The following AFF3 variants were observed in gnomAD, a reference collection of about 807,000 sequenced individuals.
AFF3 encodes the protein ALF transcription elongation factor 3, also known as AF4/FMR2 family member 3.
A neutral mutation model predicts 129.7 loss-of-function variants in AFF3; 32 were observed. The observed-to-expected ratio is 0.25, with a 90% confidence interval of 0.19 to 0.33. The LOEUF (loss-of-function observed/expected upper bound fraction) is 0.33, where lower values mean the gene tolerates loss of function less well. Ranked by LOEUF, AFF3 falls within the 10% of genes least tolerant of loss-of-function variation. The probability of loss-of-function intolerance (pLI) is 1.00; values close to 1 mark genes in which losing one functional copy is unlikely to be tolerated. For synonymous variants in AFF3, 644 were observed against 635.4 expected, an observed-to-expected ratio of 1.01 and a Z score of -0.20; for missense variants, 1,373 against 1,592.0, an observed-to-expected ratio of 0.86 and a Z score of 2.34.
At chr2:99,969,719 T>C (rs796822722) in intron 7 of AFF3, among the ~76,000 whole-genome samples, 6 of 152,204 alleles carry the variant, frequency 3.9e-5, no homozygotes, top group African/African-American at 1.4e-4. Context: ...GCCAGACTGG[T>C]CTCTACCTCC....
At chr2:99,927,648 T>C (rs1327717328) in intron 7 of AFF3, among the ~76,000 whole-genome samples, 1 of 152,066 alleles carries the variant, frequency 6.6e-6, no homozygotes, top group Non-Finnish European at 1.5e-5. Flanking sequence ...AACACCAGGG[T>C]GATTAAATAG....
intron 10 of AFF3, among the ~76,000 whole-genome samples, chr2:99,728,075 C>A (rs184126046): frequency 6.6e-6 from 1 of 152,244 alleles, no homozygotes; most frequent in East Asian, 1.9e-4. Context: ...ACGAGTTGTA[C>A]GTAGTTGGGG....
At position 100,057,320 on chromosome 2, in the gene AFF3, C is replaced by CAAA. The variant is rs57672976; in HGVS notation, c.53+47079_53+47081dup. Among the ~76,000 whole-genome samples, 282 of 54,922 alleles carry CAAA rather than the reference C, an allele frequency of 5.1e-3. 13 individuals carry two copies. The highest frequency in any genetic ancestry group is 7.5e-3 in the East Asian group (12 of 1,604). 36.0% of individuals were successfully genotyped at this position (54,922 alleles called of 152,430 possible). A position where few individuals can be genotyped will look rare whatever the true frequency, so the allele number is the denominator to read the frequency against. ...TGGGCAACAGAGCAAGACTCTGTCT[C>CAAA]AAAAAAAAAAAAAAAAAAAAAAAAC... On this transcript the variant is annotated intron_variant, in intron 4 of 24. Coordinates refer to ENST00000672756, the MANE Select transcript of AFF3 (RefSeq NM_001386135.1).
chr2:99,809,253 A>G (rs1294362847), intron 8 of AFF3, among the ~76,000 whole-genome samples: 3 of 152,224 alleles, frequency 2.0e-5, no homozygotes, highest in Non-Finnish European at 4.4e-5. Flanking sequence ...AAGGAAAGTG[A>G]CAGCAGAGCG....
chr2:99,625,600 G>T (rs1204076655), intron 13 of AFF3, among the ~76,000 whole-genome samples: 4 of 152,092 alleles, frequency 2.6e-5, no homozygotes. Flanking sequence ...CTTCTGGGTT[G>T]TATGACAGGA....
intron 2 of AFF3, among the ~76,000 whole-genome samples, chr2:100,110,576 T>C (rs2105526606): frequency 6.6e-6 from 1 of 152,322 alleles, no homozygotes; most frequent in East Asian, 1.9e-4. Context: ...CAAAATTGCA[T>C]CTTAATGGGT....
chr2:99,777,947 C>CAAAAAA (rs576434643), intron 8 of AFF3, among the ~76,000 whole-genome samples: 618 of 47,790 alleles, frequency 0.013, no homozygotes, highest in Middle Eastern at 0.088. Flanking sequence ...AAAGCAAAAG[C>CAAAAAA]AAAAAAAAAA....
chr2:99,836,814 C>T (rs1446264601), intron 8 of AFF3, among the ~76,000 whole-genome samples: 1 of 151,734 alleles, frequency 6.6e-6, no homozygotes, highest in African/African-American at 2.4e-5. Flanking sequence ...TTAGGTAACT[C>T]CCCTGAAAAA....
chr2:100,083,595 C>T (rs2576661), intron 4 of AFF3, among the ~76,000 whole-genome samples: 1 of 152,220 alleles, frequency 6.6e-6, no homozygotes, highest in Non-Finnish European at 1.5e-5. Flanking sequence ...CACCTCAGCG[C>T]CTGCTCATAA....
chr2:99,927,864 T>A (rs551944417), intron 7 of AFF3, among the ~76,000 whole-genome samples: 1 of 152,320 alleles, frequency 6.6e-6, no homozygotes, highest in South Asian at 2.1e-4. Context: ...CCAAATCTCA[T>A]CTTGTAGCTC....
At chr2:99,777,422 G>T (rs1683991101) in intron 8 of AFF3, among the ~76,000 whole-genome samples, 1 of 152,164 alleles carries the variant, frequency 6.6e-6, no homozygotes, top group Non-Finnish European at 1.5e-5. Context: ...TGCATGTTCA[G>T]AGTCCTGAGT....
chr2:99,666,313 AG>A (rs1442637220), intron 12 of AFF3, among the ~76,000 whole-genome samples: 1 of 152,204 alleles, frequency 6.6e-6, no homozygotes, highest in Non-Finnish European at 1.5e-5. Flanking sequence ...TAGGATATTA[AG>A]GGAGAAAGCA....
chr2:99,869,429 T>C (rs916505981), intron 7 of AFF3, among the ~76,000 whole-genome samples: 2 of 97,940 alleles, frequency 2.0e-5, no homozygotes, highest in Non-Finnish European at 4.2e-5. Flanking sequence ...AGCTGGAGGG[T>C]GGGGGTGGGA....
chr2:99,788,236 C>G (rs555853358), intron 8 of AFF3, among the ~76,000 whole-genome samples: 1 of 152,182 alleles, frequency 6.6e-6, no homozygotes, highest in East Asian at 1.9e-4. Flanking sequence ...ACTCCTTCTA[C>G]TCATTAAAAA....
intron 7 of AFF3, among the ~76,000 whole-genome samples, chr2:99,979,036 C>T (rs13405987): frequency 0.099 from 15,025 of 151,852 alleles, 2,043 homozygotes; most frequent in African/African-American, 0.31. Flanking sequence ...AAGAGATCAA[C>T]GCAATGATCT....
intron 12 of AFF3, among the ~76,000 whole-genome samples, chr2:99,668,628 T>G (rs1686891194): frequency 6.6e-6 from 1 of 152,028 alleles, no homozygotes; most frequent in Admixed American, 6.6e-5. Flanking sequence ...AGTGGCACAA[T>G]TTTGGCTCAC....
At chr2:99,732,432 T>C (rs1679914625) in intron 10 of AFF3, among the ~76,000 whole-genome samples, 1 of 151,998 alleles carries the variant, frequency 6.6e-6, no homozygotes, top group African/African-American at 2.4e-5. Context: ...CGCCTATGTA[T>C]GTATTAATAA....
intron 4 of AFF3, among the ~76,000 whole-genome samples, chr2:100,094,454 T>C (rs906912719): frequency 4.6e-5 from 7 of 152,094 alleles, no homozygotes; most frequent in African/African-American, 7.2e-5. Context: ...TGTGAGAATA[T>C]AATGCCAGTG....
intron 8 of AFF3, among the ~76,000 whole-genome samples, chr2:99,803,991 C>G (rs1576030963): frequency 1.3e-5 from 2 of 151,982 alleles, no homozygotes; most frequent in Admixed American, 1.3e-4. Context: ...TAGAAGAAAA[C>G]CTAGGAAAAA....
Sources: gnomAD v4.1 joint callset for allele counts (sites outside exome capture counted in the v4.1 genomes callset) on GRCh38, gnomAD v4.1.1 for gene constraint, MANE v1.5 for transcripts, NCBI Gene and HGNC (gene_info 2026-07-23, HGNC 2026-07-21) for gene names.